Variants in NAALADL2 observed in about 807,000 individuals in gnomAD.
NAALADL2 encodes inactive N-acetylated-alpha-linked acidic dipeptidase-like protein 2.
In NAALADL2, 76 loss-of-function variants were observed where a neutral mutation model predicts 87.2. The ratio of observed to expected loss-of-function variants is 0.87; its 90% CI spans 0.72 to 1.05. NAALADL2 has a LOEUF of 1.05. Ranked by LOEUF, NAALADL2 falls within the 50% of genes least tolerant of loss-of-function variation. The pLI is 0.00. For missense variants in NAALADL2, 1,089 were observed against 945.8 expected, an observed-to-expected ratio of 1.15 and a Z score of -1.99; for synonymous variants, 354 against 331.0, an observed-to-expected ratio of 1.07 and a Z score of -0.75.
chr3:175,162,229 A>AG (rs1447068485), intron 2 of NAALADL2, among the ~76,000 whole-genome samples: 16 of 152,048 alleles, frequency 1.1e-4, no homozygotes, highest in Non-Finnish European at 7.4e-5. Flanking sequence ...ATCCCCATCA[A>AG]TTAAATGCCT....
At chr3:174,453,382 T>TA (rs992505863) in intron 1 of NAALADL2, among the ~76,000 whole-genome samples, 3 of 81,062 alleles carry the variant, frequency 3.7e-5, no homozygotes, top group Admixed American at 1.5e-4. Context: ...TCCATCTAGA[T>TA]AGAGAGGCCA....
chr3:174,886,569 G>A (rs1730177924), intron 1 of NAALADL2, among the ~76,000 whole-genome samples: 1 of 152,048 alleles, frequency 6.6e-6, no homozygotes. Flanking sequence ...TAATGACCAA[G>A]GAAAGAAGAG....
intron 4 of NAALADL2, among the ~76,000 whole-genome samples, chr3:175,293,155 A>C (rs972334657): frequency 6.6e-6 from 1 of 151,910 alleles, no homozygotes; most frequent in East Asian, 1.9e-4. Context: ...CAAGATCCTA[A>C]CTCCAACTAA....
chr3:175,264,738 T>C (rs910427748), intron 4 of NAALADL2, among the ~76,000 whole-genome samples: 1 of 151,748 alleles, frequency 6.6e-6, no homozygotes, highest in Non-Finnish European at 1.5e-5. Context: ...TTTAGATTTT[T>C]ACATCCTTCA....
At chr3:175,444,813 A>G (rs188404511) in intron 5 of NAALADL2, among the ~76,000 whole-genome samples, 2 of 152,326 alleles carry the variant, frequency 1.3e-5, no homozygotes, top group East Asian at 3.9e-4. Context: ...CTGCTCTTAT[A>G]TAACAAAATG....
At chr3:174,862,414 T>G (rs547924639) in intron 1 of NAALADL2, among the ~76,000 whole-genome samples, 92 of 152,102 alleles carry the variant, frequency 6.0e-4, no homozygotes, top group African/African-American at 2.2e-3. Context: ...TCCTTGAACG[T>G]ATAAGGGCTT....
At chr3:175,627,458 A>G (rs1381150627) in intron 11 of NAALADL2, 72 bp downstream of exon 11, 3 of 959,310 alleles carry the variant, frequency 3.1e-6, no homozygotes, top group African/African-American at 3.3e-5. Context: ...GAGCAAAGGA[A>G]CATAACCAAT....
chr3:175,427,230 T>G (rs1217049809), intron 5 of NAALADL2, among the ~76,000 whole-genome samples: 5 of 152,132 alleles, frequency 3.3e-5, no homozygotes, highest in African/African-American at 1.2e-4. Context: ...TTTTTAACAA[T>G]TTACAACAGA....
At chr3:175,101,868 G>A (rs572122895) in intron 2 of NAALADL2, among the ~76,000 whole-genome samples, 1 of 152,024 alleles carries the variant, frequency 6.6e-6, no homozygotes, top group South Asian at 2.1e-4. Context: ...TCTTCTTAAT[G>A]GAAAGATCAT....
chr3:175,667,686 G>T (rs901518382), intron 11 of NAALADL2, among the ~76,000 whole-genome samples: 6 of 150,844 alleles, frequency 4.0e-5, no homozygotes, highest in African/African-American at 1.5e-4. Flanking sequence ...ACTTGTCCTT[G>T]AAATTCTCTG....
intron 3 of NAALADL2, among the ~76,000 whole-genome samples, chr3:174,810,227 C>T (rs1720015301): frequency 6.6e-6 from 1 of 152,078 alleles, no homozygotes; most frequent in South Asian, 2.1e-4. Context: ...GTGGAAGCGA[C>T]TTTTGAGCTG....
chr3:175,211,886 C>T (rs966943866), intron 2 of NAALADL2, among the ~76,000 whole-genome samples: 2 of 151,864 alleles, frequency 1.3e-5, no homozygotes, highest in African/African-American at 4.8e-5. Flanking sequence ...ATGATTAGTC[C>T]TCCCATTTTG....
At chr3:175,201,469 C>T (rs1247224208) in intron 2 of NAALADL2, among the ~76,000 whole-genome samples, 1 of 152,068 alleles carries the variant, frequency 6.6e-6, no homozygotes, top group Non-Finnish European at 1.5e-5. Context: ...TGAGTATAAT[C>T]ATTCAACATA....
chr3:174,670,497 C>A (rs1726428347), intron 2 of NAALADL2, among the ~76,000 whole-genome samples: 1 of 150,804 alleles, frequency 6.6e-6, no homozygotes, highest in African/African-American at 2.4e-5. Flanking sequence ...TTATTTTTTT[C>A]TTCCCAGACC....
intron 2 of NAALADL2, among the ~76,000 whole-genome samples, chr3:175,166,979 C>A (rs895908985): frequency 6.6e-6 from 1 of 152,024 alleles, no homozygotes; most frequent in Non-Finnish European, 1.5e-5. Context: ...TAAATGTGGC[C>A]TGAATATGCT....
At chr3:175,304,107 AATC>A (rs1757412758) in intron 4 of NAALADL2, among the ~76,000 whole-genome samples, 1 of 152,170 alleles carries the variant, frequency 6.6e-6, no homozygotes, top group Non-Finnish European at 1.5e-5. Flanking sequence ...AAGACAAAGT[AATC>A]ATTATGAATT....
At chr3:174,793,807 CTT>C (rs756300484) in intron 3 of NAALADL2, among the ~76,000 whole-genome samples, 2 of 144,918 alleles carry the variant, frequency 1.4e-5, no homozygotes, top group Non-Finnish European at 3.1e-5. Context: ...TCCCCAGTTT[CTT>C]TTTTTTTTTT....
At chr3:174,927,872 A>G (rs926108816) in intron 1 of NAALADL2, among the ~76,000 whole-genome samples, 3 of 152,182 alleles carry the variant, frequency 2.0e-5, no homozygotes, top group Admixed American at 1.3e-4. Flanking sequence ...GCATAACTAA[A>G]GGAGATAGAG....
At chr3:174,608,227 A>C (rs1389512627) in intron 2 of NAALADL2, among the ~76,000 whole-genome samples, 1 of 152,094 alleles carries the variant, frequency 6.6e-6, no homozygotes, top group Non-Finnish European at 1.5e-5. Flanking sequence ...AAGATACAAA[A>C]TTGACACCCT....
Sources: gnomAD v4.1 joint callset for allele counts (sites outside exome capture counted in the v4.1 genomes callset) on GRCh38, gnomAD v4.1.1 for gene constraint, MANE v1.5 for transcripts, NCBI Gene and HGNC (gene_info 2026-07-23, HGNC 2026-07-21) for gene names.